PCDH15: variants seen among roughly 807,000 people sequenced by gnomAD.
The protein encoded by PCDH15 is protocadherin-15.
PCDH15 carries 129 observed loss-of-function variants against 178.5 expected under a neutral mutation model. The observed-to-expected ratio is 0.72, with a 90% CI of 0.63 to 0.84. The LOEUF is 0.84. PCDH15 is among the 40% of genes least tolerant of loss of function. The probability of loss-of-function intolerance (pLI) is 0.00; values close to 1 mark genes in which losing one functional copy is unlikely to be tolerated. For missense variants in PCDH15, 2,230 were observed against 2,099.9 expected (o/e 1.06, Z -1.21); for synonymous variants, 800 against 732.0 (o/e 1.09, Z -1.50).
At chr10:54,220,792 T>A (rs1200423775) in intron 9 of PCDH15, among the ~76,000 whole-genome samples, 2 of 151,372 alleles carry the variant, frequency 1.3e-5, no homozygotes, top group East Asian at 3.9e-4. Flanking sequence ...GCCACTGCAC[T>A]CCAGCCTGGG....
chr10:54,622,732 AT>A (rs1325043877), intron 2 of PCDH15, among the ~76,000 whole-genome samples: 4 of 21,532 alleles, frequency 1.9e-4, no homozygotes, highest in Admixed American at 6.4e-4. Flanking sequence ...ATATTATATA[AT>A]TATATATATA....
intron 13 of PCDH15, among the ~76,000 whole-genome samples, chr10:54,161,233 T>C (rs2045680801): frequency 6.6e-6 from 1 of 152,172 alleles, no homozygotes; most frequent in African/African-American, 2.4e-5. Context: ...ATAGCATTGA[T>C]TCATGCCACA....
intron 1 of PCDH15, among the ~76,000 whole-genome samples, chr10:54,792,360 T>C (rs1250378319): frequency 6.6e-6 from 1 of 151,958 alleles, no homozygotes; most frequent in African/African-American, 2.4e-5. Flanking sequence ...AGCAGGTAGC[T>C]GCCACTAAAT....
intron 2 of PCDH15, among the ~76,000 whole-genome samples, chr10:55,397,679 G>A (rs1236122364): frequency 6.6e-6 from 1 of 151,854 alleles, no homozygotes; most frequent in Non-Finnish European, 1.5e-5. Flanking sequence ...CTCGTCTCCC[G>A]GGTTCAAGCA....
intron 1 of PCDH15, among the ~76,000 whole-genome samples, chr10:54,772,816 A>C (rs1949249027): frequency 1.3e-5 from 2 of 152,166 alleles, no homozygotes; most frequent in Admixed American, 1.3e-4. Flanking sequence ...ACATGCATGC[A>C]TATGTTAATT....
intron 8 of PCDH15, among the ~76,000 whole-genome samples, chr10:54,245,180 G>A (rs207470937): frequency 1.3e-5 from 2 of 152,008 alleles, no homozygotes; most frequent in Non-Finnish European, 2.9e-5. Flanking sequence ...TAACAAAGTA[G>A]GCCTTTTTTA....
intron 15 of PCDH15, among the ~76,000 whole-genome samples, chr10:54,116,149 A>G (rs2095108616): frequency 6.6e-6 from 1 of 152,084 alleles, no homozygotes; most frequent in Non-Finnish European, 1.5e-5. Flanking sequence ...TTTTTAAATA[A>G]AGAAGAAACT....
intron 2 of PCDH15, among the ~76,000 whole-genome samples, chr10:54,561,525 T>C (rs2088153311): frequency 6.6e-6 from 1 of 152,140 alleles, no homozygotes; most frequent in African/African-American, 2.4e-5. Context: ...AGAATTGTTT[T>C]CTTTTGTTGG....
At chr10:54,050,883 T>C (rs2093757358) in intron 18 of PCDH15, among the ~76,000 whole-genome samples, 1 of 152,150 alleles carries the variant, frequency 6.6e-6, no homozygotes, top group Non-Finnish European at 1.5e-5. Flanking sequence ...TGGTTGGAGG[T>C]AATTGAATCA....
intron 3 of PCDH15, among the ~76,000 whole-genome samples, chr10:54,482,120 C>T (rs2078761274): frequency 6.6e-6 from 1 of 151,672 alleles, no homozygotes; most frequent in African/African-American, 2.4e-5. Context: ...AATTAGATCA[C>T]CCATTTTTGA....
intron 1 of PCDH15, among the ~76,000 whole-genome samples, chr10:55,312,869 G>T (rs1488982272): frequency 6.6e-6 from 1 of 152,158 alleles, no homozygotes; most frequent in East Asian, 1.9e-4. Context: ...CACCCGCCTC[G>T]GCCTCCCAAA....
At chr10:55,075,366 A>ATTTTTT (rs34779284) in intron 2 of PCDH15, among the ~76,000 whole-genome samples, 11 of 132,328 alleles carry the variant, frequency 8.3e-5, no homozygotes, top group Admixed American at 7.1e-4. Context: ...TTTTGTTTAA[A>ATTTTTT]TTTTTTTTTT....
chr10:55,006,349 T>C (rs768156704), intron 2 of PCDH15, among the ~76,000 whole-genome samples: 12 of 152,320 alleles, frequency 7.9e-5, no homozygotes, highest in Middle Eastern at 3.4e-3. Context: ...CTTAATCCAT[T>C]ATTAAGCCAT....
At position 54,133,139 on chromosome 10, in the gene PCDH15, A is replaced by G. The variant is rs1259956683; in HGVS notation, c.1785-132T>C. On this transcript the variant is annotated intron_variant, in intron 14 of 37. Transcript: ENST00000644397. ...AATTTTATGAAAAATAATACAATCAAAATGAAAGGATAGAAAAAACTACCA... is the reference window on the plus strand; with the variant it reads ...AATTTTATGAAAAATAATACAATCAGAATGAAAGGATAGAAAAAACTACCA... The G allele has an allele frequency of 4.5e-6, 5 of 1,102,466 alleles. No homozygotes were observed. In the African/African-American group the frequency reaches 7.9e-5, roughly 17 times the overall value. 68.3% of individuals were successfully genotyped at this position (1,102,466 alleles called of 1,614,324 possible).
At chr10:55,167,256 G>A (rs1245073433) in intron 1 of PCDH15, among the ~76,000 whole-genome samples, 1 of 151,994 alleles carries the variant, frequency 6.6e-6, no homozygotes, top group African/African-American at 2.4e-5. Flanking sequence ...TGGAACTACA[G>A]ATATGTGCCA....
intron 2 of PCDH15, among the ~76,000 whole-genome samples, chr10:55,143,958 G>A (rs184036736): frequency 6.6e-6 from 1 of 151,658 alleles, no homozygotes; most frequent in Non-Finnish European, 1.5e-5. Context: ...TTGAATTACT[G>A]AAACAAATTT....
chr10:54,228,450 C>T (rs1339161428), intron 9 of PCDH15, among the ~76,000 whole-genome samples: 1 of 151,984 alleles, frequency 6.6e-6, no homozygotes. Flanking sequence ...GTCCCTCCCA[C>T]AACACATAGG....
intron 1 of PCDH15, among the ~76,000 whole-genome samples, chr10:54,708,916 A>T (rs11004453): frequency 0.19 from 29,355 of 152,150 alleles, 3,607 homozygotes; most frequent in Non-Finnish European, 0.27. Flanking sequence ...AAAAGGAAAC[A>T]AAATATCAGA....
chr10:55,160,463 A>T (rs1172902595), intron 2 of PCDH15, among the ~76,000 whole-genome samples: 1 of 151,082 alleles, frequency 6.6e-6, no homozygotes, highest in East Asian at 2.0e-4. Context: ...GGTCCCCAAA[A>T]CTCTCGAAAC....
Sources: allele counts gnomAD v4.1 joint callset (sites outside exome capture counted in the v4.1 genomes callset), GRCh38; gene constraint gnomAD v4.1.1; transcripts MANE v1.5; gene names NCBI Gene and HGNC (gene_info 2026-07-23, HGNC 2026-07-21).